FAM117B: variants seen among roughly 807,000 people sequenced by gnomAD.
FAM117B encodes protein FAM117B.
Under a neutral mutation model 52.8 loss-of-function variants are expected in FAM117B, and 22 were observed. The ratio of observed to expected loss-of-function variants is 0.42; its 90% CI spans 0.30 to 0.59. The LOEUF is 0.59. Among genes scored for constraint, FAM117B ranks in the 20% least tolerant of loss-of-function variants. The pLI is 0.22. For missense variants in FAM117B, 678 were observed against 802.6 expected, an observed-to-expected ratio of 0.84 and a Z score of 1.88; for synonymous variants, 309 against 324.1, an observed-to-expected ratio of 0.95 and a Z score of 0.50.
intron 1 of FAM117B, among the ~76,000 whole-genome samples, chr2:202,668,093 A>G: frequency 7.3e-6 from 1 of 136,668 alleles, no homozygotes; most frequent in Non-Finnish European, 1.5e-5. Flanking sequence ...TATTTTATAA[A>G]AATATATTTA....
chr2:202,652,183 C>G (rs549708346), intron 1 of FAM117B, among the ~76,000 whole-genome samples: 1 of 152,004 alleles, frequency 6.6e-6, no homozygotes, highest in Non-Finnish European at 1.5e-5. Context: ...GCTGCAGCCT[C>G]GACCTCCCTA....
chr2:202,710,625 C>T (rs1334933126), intron 2 of FAM117B, among the ~76,000 whole-genome samples: 1 of 152,000 alleles, frequency 6.6e-6, no homozygotes, highest in African/African-American at 2.4e-5. Flanking sequence ...TTACTGGAGT[C>T]ACCCTGTTGT....
chr2:202,738,262 T>C (rs1691471719), intron 4 of FAM117B, among the ~76,000 whole-genome samples: 1 of 152,196 alleles, frequency 6.6e-6, no homozygotes, highest in Non-Finnish European at 1.5e-5. Flanking sequence ...TTGTTGGCAG[T>C]ATATTATTAT....
chr2:202,658,521 C>T (rs1029170675), intron 1 of FAM117B, among the ~76,000 whole-genome samples: 1 of 151,972 alleles, frequency 6.6e-6, no homozygotes, highest in Non-Finnish European at 1.5e-5. Context: ...AGGCTGGTCT[C>T]GAACTCCTGA....
rs377407744 is a variant in FAM117B, at chr2:202,754,669, A to T, written c.961-869A>T. Among the ~76,000 whole-genome samples the T allele has an allele frequency of 4.6e-5, 7 of 152,008 alleles. No individual in the cohort carries two copies. The East Asian group carries it at 9.7e-4, about 21-fold the overall frequency. On this transcript the variant is annotated intron_variant, in intron 4 of 7. Coordinates refer to ENST00000392238, the MANE Select transcript of FAM117B (RefSeq NM_173511.4). ...TTTGGGAGGCTGACATGGGCGGATC[A>T]CAAGGTCAGGAGTTTGAGACCAGCC... is the stretch of plus-strand genomic sequence containing the variant.
At chr2:202,652,664 T>C (rs1009067861) in intron 1 of FAM117B, among the ~76,000 whole-genome samples, 5 of 152,018 alleles carry the variant, frequency 3.3e-5, no homozygotes, top group Non-Finnish European at 5.9e-5. Flanking sequence ...ATTGGTAGAG[T>C]AGAGATCTTT....
At chr2:202,691,680 T>C (rs1274452435) in intron 1 of FAM117B, among the ~76,000 whole-genome samples, 1 of 150,472 alleles carries the variant, frequency 6.6e-6, no homozygotes, top group Non-Finnish European at 1.5e-5. Context: ...TGTGTGTGTG[T>C]GTGTGTGTGT....
intron 2 of FAM117B, among the ~76,000 whole-genome samples, chr2:202,696,673 T>C (rs527276976): frequency 6.6e-6 from 1 of 152,210 alleles, no homozygotes; most frequent in East Asian, 1.9e-4. Flanking sequence ...TGTATTACTT[T>C]GCTGATCCTA....
At chr2:202,710,355 C>T (rs913504430) in intron 2 of FAM117B, among the ~76,000 whole-genome samples, 1 of 151,870 alleles carries the variant, frequency 6.6e-6, no homozygotes, top group Non-Finnish European at 1.5e-5. Flanking sequence ...TATGATTATT[C>T]TTATGTTATT....
chr2:202,667,468 G>A (rs1369897453), intron 1 of FAM117B, among the ~76,000 whole-genome samples: 1 of 152,096 alleles, frequency 6.6e-6, no homozygotes, highest in Non-Finnish European at 1.5e-5. Flanking sequence ...GTGTCTGTGT[G>A]TGTGTGTCTG....
At chr2:202,670,733 T>C (rs1468239021) in intron 1 of FAM117B, among the ~76,000 whole-genome samples, 2 of 152,120 alleles carry the variant, frequency 1.3e-5, no homozygotes, top group African/African-American at 4.8e-5. Flanking sequence ...GGAAGGATAA[T>C]GTTTCATTCT....
At chr2:202,738,260 A>G (rs992024451) in intron 4 of FAM117B, among the ~76,000 whole-genome samples, 10 of 152,208 alleles carry the variant, frequency 6.6e-5, no homozygotes, top group African/African-American at 1.9e-4. Flanking sequence ...TTTTGTTGGC[A>G]GTATATTATT....
At chr2:202,684,278 A>T (rs910640235) in intron 1 of FAM117B, among the ~76,000 whole-genome samples, 1 of 152,120 alleles carries the variant, frequency 6.6e-6, no homozygotes, top group African/African-American at 2.4e-5. Context: ...ATTTAGTAGT[A>T]AAAAAATCAA....
intron 4 of FAM117B, among the ~76,000 whole-genome samples, chr2:202,754,147 C>T (rs9677625): frequency 6.6e-6 from 1 of 152,014 alleles, no homozygotes; most frequent in Admixed American, 6.6e-5. Flanking sequence ...AATGATAGAC[C>T]AGATAAAGAA....
At chr2:202,689,675 T>C (rs1690592282) in intron 1 of FAM117B, among the ~76,000 whole-genome samples, 1 of 152,092 alleles carries the variant, frequency 6.6e-6, no homozygotes, top group Non-Finnish European at 1.5e-5. Flanking sequence ...CCCAGCACTT[T>C]GAGAGCCTGA....
chr2:202,642,267 CATT>C (rs1160581665), intron 1 of FAM117B, among the ~76,000 whole-genome samples: 1 of 150,056 alleles, frequency 6.7e-6, no homozygotes, highest in Non-Finnish European at 1.5e-5. Context: ...ATTTTCACAT[CATT>C]GTCTTCCTTC....
rs1691983585 is a variant in FAM117B at position 202,766,561 on chromosome 2, A to G, written c.*797A>G. 2 of 152,764 alleles carry G rather than the reference A, an allele frequency of 1.3e-5. No individual in the cohort carries two copies. The highest frequency in any genetic ancestry group is 2.4e-5 in the African/African-American group (1 of 41,578). The allele number at this position is 152,764 out of a possible 1,614,324, so 9.5% of individuals were successfully genotyped here. On this transcript the variant is annotated 3_prime_UTR_variant, in exon 8 of 8. Coordinates refer to ENST00000392238, the MANE Select transcript of FAM117B (RefSeq NM_173511.4). ...TTCACCATGTGGTCAGAAAAGTTGT[A>G]GTCTGAAGACAAGTGCTTTAATATG... is the stretch of plus-strand genomic sequence containing the variant.
intron 1 of FAM117B, among the ~76,000 whole-genome samples, chr2:202,682,145 T>G (rs530294835): frequency 2.0e-5 from 3 of 152,292 alleles, no homozygotes; most frequent in Non-Finnish European, 2.9e-5. Flanking sequence ...GAGAGCCACT[T>G]TCATCGGCAA....
intron 1 of FAM117B, among the ~76,000 whole-genome samples, chr2:202,641,809 T>C (rs549576884): frequency 9.2e-5 from 14 of 151,892 alleles, no homozygotes; most frequent in Admixed American, 3.3e-4. Flanking sequence ...CAGCTAACTT[T>C]TGTATTTTTA....
Sources: gnomAD v4.1 joint callset for allele counts (sites outside exome capture counted in the v4.1 genomes callset) on GRCh38, gnomAD v4.1.1 for gene constraint, MANE v1.5 for transcripts, NCBI Gene and HGNC (gene_info 2026-07-23, HGNC 2026-07-21) for gene names.